CNTN4: variants seen among roughly 807,000 people sequenced by gnomAD.
CNTN4 encodes the protein contactin-4.
A neutral mutation model predicts 122.5 loss-of-function variants in CNTN4; 77 were observed. The observed-to-expected ratio is 0.63, with a 90% CI of 0.52 to 0.76. The LOEUF is 0.76. Ranked by LOEUF, CNTN4 falls within the 30% of genes least tolerant of loss-of-function variation. The pLI, the probability that CNTN4 is intolerant of heterozygous loss-of-function variation, is 0.00. For synonymous variants in CNTN4, 512 were observed against 447.0 expected, an observed-to-expected ratio of 1.15 and a Z score of -1.83; for missense variants, 1,256 against 1,259.1, an observed-to-expected ratio of 1.00 and a Z score of 0.04.
chr3:2,286,576 T>C (rs2149945853), intron 2 of CNTN4, among the ~76,000 whole-genome samples: 1 of 152,242 alleles, frequency 6.6e-6, no homozygotes, highest in South Asian at 2.1e-4. Context: ...AGTTAAATCT[T>C]ACAGCCAAAA....
At chr3:2,178,452 GA>G (rs71056396) in intron 2 of CNTN4, among the ~76,000 whole-genome samples, 20,864 of 149,454 alleles carry the variant, frequency 0.14, 1,731 homozygotes, top group South Asian at 0.24. Flanking sequence ...CTGTGATTTA[GA>G]AAAAAAAAAT....
chr3:2,303,591 G>T (rs1270869270), intron 2 of CNTN4, among the ~76,000 whole-genome samples: 1 of 152,064 alleles, frequency 6.6e-6, no homozygotes, highest in Non-Finnish European at 1.5e-5. Context: ...TTATTCATTA[G>T]ATGATGGATA....
At chr3:2,804,065 G>GCACACACACACA (rs71058651) in intron 6 of CNTN4, among the ~76,000 whole-genome samples, 3,259 of 144,382 alleles carry the variant, frequency 0.023, 61 homozygotes, top group African/African-American at 0.048. Flanking sequence ...ATATATGTCT[G>GCACACACACACA]CACACACACA....
At chr3:2,175,656 T>A (rs1451759250) in intron 2 of CNTN4, among the ~76,000 whole-genome samples, 1 of 152,136 alleles carries the variant, frequency 6.6e-6, no homozygotes, top group Admixed American at 6.6e-5. Context: ...GATGACTTAA[T>A]CTCTCTAACC....
At chr3:2,353,876 G>T (rs2044752434) in intron 3 of CNTN4, among the ~76,000 whole-genome samples, 2 of 152,194 alleles carry the variant, frequency 1.3e-5, no homozygotes, top group South Asian at 4.2e-4. Flanking sequence ...TCCAGCCTGG[G>T]CGACAGAGCG....
intron 4 of CNTN4, among the ~76,000 whole-genome samples, chr3:2,676,501 C>T (rs1202465139): frequency 2.0e-5 from 3 of 152,168 alleles, no homozygotes; most frequent in Non-Finnish European, 4.4e-5. Context: ...GGATTACAGG[C>T]GTGAGCCACT....
intron 2 of CNTN4, among the ~76,000 whole-genome samples, chr3:2,330,007 G>A (rs1018148019): frequency 6.6e-6 from 1 of 151,798 alleles, no homozygotes; most frequent in Non-Finnish European, 1.5e-5. Flanking sequence ...CATGTTAAGA[G>A]CTCGGTCCCA....
At chr3:2,704,321 A>T (rs78468271) in intron 4 of CNTN4, among the ~76,000 whole-genome samples, 1 of 132,338 alleles carries the variant, frequency 7.6e-6, no homozygotes, top group East Asian at 2.3e-4. Context: ...AAAAAAAAAA[A>T]GTTGATCTGG....
In CNTN4 at chr3:2,381,333, G is replaced by A. The variant is rs568467523; in HGVS notation, c.-89+42100G>A. ...GTTTTGTTTTTTCTAGAGAGAAATG[G>A]GCCCCAATATTTGCCTTATAATACT... On this transcript the variant is annotated intron_variant, in intron 3 of 24. Coordinates refer to ENST00000418658, the MANE Select transcript of CNTN4 (RefSeq NM_175607.3). 2.0e-5 allele frequency among the ~76,000 whole-genome samples: 3 copies of A among 152,080 alleles called. No individual in the cohort carries two copies. In the East Asian group the frequency reaches 5.8e-4, roughly 29 times the overall value.
intron 12 of CNTN4, among the ~76,000 whole-genome samples, chr3:2,905,174 A>G (rs140726642): frequency 1.4e-4 from 22 of 152,308 alleles, no homozygotes; most frequent in African/African-American, 4.3e-4. Context: ...ATCATTTCCA[A>G]TTGGAACTGT....
At chr3:2,605,831 T>C (rs2081233847) in intron 4 of CNTN4, among the ~76,000 whole-genome samples, 2 of 152,188 alleles carry the variant, frequency 1.3e-5, no homozygotes, top group Admixed American at 6.6e-5. Flanking sequence ...GTTTTCATGA[T>C]GTTGAATTCT....
intron 3 of CNTN4, among the ~76,000 whole-genome samples, chr3:2,434,669 G>T (rs772603611): frequency 6.6e-6 from 1 of 152,170 alleles, no homozygotes; most frequent in Non-Finnish European, 1.5e-5. Context: ...CATTTTCTCT[G>T]TTGCAGGCAC....
chr3:2,787,088 G>A (rs1426076403), intron 6 of CNTN4, among the ~76,000 whole-genome samples: 1 of 152,132 alleles, frequency 6.6e-6, no homozygotes, highest in Non-Finnish European at 1.5e-5. Flanking sequence ...GGTATTTTAA[G>A]AAAATCGGCC....
intron 13 of CNTN4, among the ~76,000 whole-genome samples, chr3:2,961,231 C>CAAAAAAAAAAAAAAAAAAAAA (rs59790353): frequency 3.5e-4 from 13 of 37,236 alleles, no homozygotes; most frequent in East Asian, 1.6e-3. Context: ...CTCCATCTCA[C>CAAAAAAAAAAAAAAAAAAAAA]AAAAAAAAAA....
chr3:2,520,103 A>C (rs896765662), intron 3 of CNTN4, among the ~76,000 whole-genome samples: 8 of 152,080 alleles, frequency 5.3e-5, no homozygotes, highest in Non-Finnish European at 5.9e-5. Flanking sequence ...GAATTCAATA[A>C]ATATATTTTG....
chr3:2,264,651 T>C (rs186555592), intron 2 of CNTN4, among the ~76,000 whole-genome samples: 221 of 151,936 alleles, frequency 1.5e-3, no homozygotes, highest in African/African-American at 4.8e-3. Flanking sequence ...TCTATTGTTA[T>C]TTTTTTTGTT....
chr3:2,927,811 T>TC (rs748356105), intron 13 of CNTN4, among the ~76,000 whole-genome samples: 3 of 152,202 alleles, frequency 2.0e-5, no homozygotes, highest in African/African-American at 4.8e-5. Context: ...CTGAGGAAAC[T>TC]CCCCATCATT....
chr3:2,626,850 C>T (rs903862749), intron 4 of CNTN4, among the ~76,000 whole-genome samples: 4 of 152,196 alleles, frequency 2.6e-5, no homozygotes, highest in South Asian at 2.1e-4. Context: ...AGGAAGCAAG[C>T]GTCTAGGCCT....
intron 13 of CNTN4, among the ~76,000 whole-genome samples, chr3:2,958,872 A>G (rs1278003725): frequency 1.3e-5 from 2 of 152,166 alleles, no homozygotes; most frequent in African/African-American, 2.4e-5. Context: ...GAACTTATGG[A>G]TCCCTTTATA....
Sources: gnomAD v4.1 joint callset for allele counts (sites outside exome capture counted in the v4.1 genomes callset) on GRCh38, gnomAD v4.1.1 for gene constraint, MANE v1.5 for transcripts, NCBI Gene and HGNC (gene_info 2026-07-23, HGNC 2026-07-21) for gene names.